Variants in FUT8 observed in about 807,000 individuals in gnomAD.
FUT8 encodes the protein fucosyltransferase 8.
Under a neutral mutation model 71.3 loss-of-function variants are expected in FUT8, and 29 were observed. The ratio of observed to expected loss-of-function variants is 0.41; its 90% CI spans 0.30 to 0.55. The LOEUF is 0.55. Among genes scored for constraint, FUT8 ranks in the 20% least tolerant of loss-of-function variants. The probability of loss-of-function intolerance (pLI) is 0.34; values close to 1 mark genes in which losing one functional copy is unlikely to be tolerated. For synonymous variants in FUT8, 254 were observed against 239.3 expected, an observed-to-expected ratio of 1.06 and a Z score of -0.57; for missense variants, 544 against 702.1, an observed-to-expected ratio of 0.77 and a Z score of 2.55.
intron 2 of FUT8, among the ~76,000 whole-genome samples, chr14:65,492,994 T>G (rs2066504383): frequency 6.6e-6 from 1 of 151,992 alleles, no homozygotes; most frequent in Non-Finnish European, 1.5e-5. Flanking sequence ...TGCCATAAGG[T>G]GAAAGTTTAA....
chr14:65,702,217 C>T (rs1321236566), intron 7 of FUT8, among the ~76,000 whole-genome samples: 1 of 152,050 alleles, frequency 6.6e-6, no homozygotes, highest in Admixed American at 6.6e-5. Context: ...TGGTGGCACA[C>T]GCCTGTAATC....
intron 3 of FUT8, among the ~76,000 whole-genome samples, chr14:65,594,713 C>T (rs544733985): frequency 3.3e-5 from 5 of 152,140 alleles, no homozygotes; most frequent in African/African-American, 9.6e-5. Context: ...AGAAAGGGAG[C>T]GGGAAGGGCA....
At chr14:65,646,402 A>G (rs978092272) in intron 6 of FUT8, 3 of 152,230 alleles carry the variant, frequency 2.0e-5, no homozygotes, top group Admixed American at 1.3e-4. Flanking sequence ...CAAAGATATA[A>G]CAGAGAATGT....
At chr14:65,431,109 C>A (rs1329941405) in intron 1 of FUT8, among the ~76,000 whole-genome samples, 1 of 150,938 alleles carries the variant, frequency 6.6e-6, no homozygotes, top group Non-Finnish European at 1.5e-5. Flanking sequence ...GATTCTCCTG[C>A]CTCAGCCTCC....
chr14:65,741,678 G>GT (rs1478930723), intron 10 of FUT8, among the ~76,000 whole-genome samples: 2 of 151,936 alleles, frequency 1.3e-5, no homozygotes, highest in South Asian at 2.1e-4. Context: ...TTTGTGTTAA[G>GT]TTTTTTTATC....
intron 1 of FUT8, among the ~76,000 whole-genome samples, chr14:65,427,434 T>C (rs2065406770): frequency 6.6e-6 from 1 of 152,234 alleles, no homozygotes; most frequent in Non-Finnish European, 1.5e-5. Context: ...TTCCCTTTTC[T>C]CCACATCCTC....
At chr14:65,654,018 A>T in intron 6 of FUT8, among the ~76,000 whole-genome samples, 1 of 152,268 alleles carries the variant, frequency 6.6e-6, no homozygotes, top group East Asian at 1.9e-4. Context: ...CTGGAACATC[A>T]GAATGAAGAA....
At position 65,732,006 on chromosome 14, in the gene FUT8, G is replaced by T. The variant is rs193155690; in HGVS notation, c.1260-1225G>T. Among the ~76,000 whole-genome samples the T allele has an allele frequency of 1.6e-4, 25 of 152,142 alleles. No individual in the cohort carries two copies. The East Asian group carries it at 4.6e-3, about 28-fold the overall frequency. ...TCCCTCTAGCATTTCGTATTTCTTT[G>T]TTGTTGTTTCTGCTCCATGCCTGGG... On this transcript the variant is annotated intron_variant, in intron 9 of 10. Transcript: ENST00000673929.
intron 5 of FUT8, chr14:65,617,045 C>A: frequency 1.9e-6 from 3 of 1,557,512 alleles, no homozygotes; most frequent in South Asian, 2.5e-5. Context: ...TACAGTGAAA[C>A]CTGTCTTTAG....
Position 65,415,556 on chromosome 14 carries a change from T to C in FUT8, c.-326+2342T>C, listed in dbSNP as rs576847977. On this transcript the variant is annotated intron_variant, in intron 1 of 10. Transcript: ENST00000673929. ...ACCCATTGTACATGTTGTGTGTTCTTAAATTTTGTTTTTATAATAGCTACA... is the reference window on the plus strand; with the variant it reads ...ACCCATTGTACATGTTGTGTGTTCTCAAATTTTGTTTTTATAATAGCTACA... 2.0e-4 allele frequency among the ~76,000 whole-genome samples: 30 copies of C among 152,324 alleles called. 1 individual carries two copies. Among genetic ancestry groups the C allele is most frequent in the Non-Finnish European group, 3.7e-4 (25 of 68,016 alleles).
chr14:65,619,472 A>G (rs774413815), intron 5 of FUT8, among the ~76,000 whole-genome samples: 10 of 152,170 alleles, frequency 6.6e-5, no homozygotes, highest in African/African-American at 2.4e-4. Flanking sequence ...GCCAAATATC[A>G]TAAGTTTGAT....
At chr14:65,695,664 G>A (rs1176545123) in intron 7 of FUT8, among the ~76,000 whole-genome samples, 1 of 151,622 alleles carries the variant, frequency 6.6e-6, no homozygotes, top group African/African-American at 2.4e-5. Flanking sequence ...CATATAGTTG[G>A]TCTTCTTTTT....
chr14:65,493,060 C>T (rs533889758), intron 2 of FUT8, among the ~76,000 whole-genome samples: 27 of 152,132 alleles, frequency 1.8e-4, no homozygotes, highest in African/African-American at 4.6e-4. Context: ...TGTGTACAAG[C>T]GTGAATCAGT....
chr14:65,616,392 A>T lies in FUT8; in HGVS notation c.482+19A>T. 6.5e-7 allele frequency: 1 copy of T among 1,532,328 alleles called. No individual in the cohort carries two copies. Among genetic ancestry groups the T allele is most frequent in the Non-Finnish European group, 8.8e-7 (1 of 1,137,282 alleles). 94.9% of individuals were successfully genotyped at this position (1,532,328 alleles called of 1,614,324 possible). A position where few individuals can be genotyped will look rare whatever the true frequency, so the allele number is the denominator to read the frequency against. Reference sequence around the variant, plus strand: ...ATGAAAGGTACTATTCTCCTTTCACATTTTATTTGGGCTTTAGAAAAGATT... The same window carrying T: ...ATGAAAGGTACTATTCTCCTTTCACTTTTTATTTGGGCTTTAGAAAAGATT... On this transcript the variant is annotated intron_variant, in intron 5 of 10. Coordinates refer to ENST00000673929, the MANE Select transcript of FUT8 (RefSeq NM_001371533.1).
intron 3 of FUT8, among the ~76,000 whole-genome samples, chr14:65,580,242 G>C (rs1887013478): frequency 6.6e-6 from 1 of 151,268 alleles, no homozygotes; most frequent in Non-Finnish European, 1.5e-5. Context: ...ATAGGCTATT[G>C]CTCCTAGGCT....
At chr14:65,635,961 G>C (rs528503230) in intron 6 of FUT8, among the ~76,000 whole-genome samples, 9 of 151,764 alleles carry the variant, frequency 5.9e-5, no homozygotes, top group African/African-American at 2.2e-4. Context: ...GAATCCATTT[G>C]GTCCTGGACT....
intron 1 of FUT8, among the ~76,000 whole-genome samples, chr14:65,427,218 A>G (rs764011418): frequency 6.6e-6 from 1 of 152,088 alleles, no homozygotes; most frequent in Non-Finnish European, 1.5e-5. Flanking sequence ...CGTTGACTCC[A>G]TATCTTAGCT....
At chr14:65,558,796 A>G (rs1885742104) in intron 2 of FUT8, among the ~76,000 whole-genome samples, 1 of 152,168 alleles carries the variant, frequency 6.6e-6, no homozygotes, top group Non-Finnish European at 1.5e-5. Context: ...CTTGACCCCA[A>G]AACTGGGGAT....
At chr14:65,522,799 A>G (rs1883173514) in intron 2 of FUT8, among the ~76,000 whole-genome samples, 1 of 135,426 alleles carries the variant, frequency 7.4e-6, no homozygotes, top group Non-Finnish European at 1.5e-5. Context: ...TTCGGTTTCC[A>G]CCAATGAGTG....
Sources: allele counts gnomAD v4.1 joint callset (sites outside exome capture counted in the v4.1 genomes callset), GRCh38; gene constraint gnomAD v4.1.1; transcripts MANE v1.5; gene names NCBI Gene and HGNC (gene_info 2026-07-23, HGNC 2026-07-21).